CCDC136: variants seen among roughly 807,000 people sequenced by gnomAD.
CCDC136 encodes coiled-coil domain-containing protein 136.
CCDC136 carries 100 observed loss-of-function variants against 141.2 expected under a neutral mutation model. The observed-to-expected ratio is 0.71, with a 90% CI of 0.60 to 0.84. The LOEUF (loss-of-function observed/expected upper bound fraction) is 0.84, where lower values mean the gene tolerates loss of function less well. Among genes scored for constraint, CCDC136 ranks in the 40% least tolerant of loss-of-function variants. The pLI is 0.00. For synonymous variants in CCDC136, 474 were observed against 531.9 expected (o/e 0.89, Z 1.50); for missense variants, 1,206 against 1,379.4 (o/e 0.87, Z 1.99).
At chr7:128,809,699 C>A in intron 11 of CCDC136, 55 bp downstream of exon 11, 1 of 1,278,958 alleles carries the variant, frequency 7.8e-7, no homozygotes, top group Non-Finnish European at 1.1e-6. Flanking sequence ...GAGAAGCTTC[C>A]CTGTGTGACT....
At chr7:128,802,253 C>T (rs535229976) in intron 4 of CCDC136, among the ~76,000 whole-genome samples, 28 of 152,286 alleles carry the variant, frequency 1.8e-4, no homozygotes, top group African/African-American at 6.0e-4. Context: ...GGATTCATGA[C>T]ATCAGAGAGT....
At chr7:128,798,528 A>G (rs1219080542) in intron 3 of CCDC136, among the ~76,000 whole-genome samples, 2 of 152,026 alleles carry the variant, frequency 1.3e-5, no homozygotes, top group Non-Finnish European at 2.9e-5. Context: ...CTGGGATTAA[A>G]GGTGTGAGCC....
At chr7:128,799,919 C>G (rs1461829190) in intron 3 of CCDC136, among the ~76,000 whole-genome samples, 3 of 152,166 alleles carry the variant, frequency 2.0e-5, no homozygotes, top group African/African-American at 7.2e-5. Context: ...TCCATAGATA[C>G]AGAGAACTCT....
At chr7:128,799,215 A>C (rs951906184) in intron 3 of CCDC136, among the ~76,000 whole-genome samples, 3 of 144,870 alleles carry the variant, frequency 2.1e-5, no homozygotes, top group Non-Finnish European at 4.5e-5. Context: ...ATGGTAGCCC[A>C]TGCCTGTAGT....
At chr7:128,799,172 TAAAAAAAAAAAA>T (rs35342890) in intron 3 of CCDC136, among the ~76,000 whole-genome samples, 3 of 51,314 alleles carry the variant, frequency 5.8e-5, no homozygotes, top group African/African-American at 2.0e-4. Context: ...ATCTCTACAT[TAAAAAAAAAAAA>T]AAAAAAAAAA....
At chr7:128,809,988 A>C in intron 11 of CCDC136, 151 bp from the exon 12 acceptor site, 2 of 609,516 alleles carry the variant, frequency 3.3e-6, no homozygotes, top group Non-Finnish European at 5.8e-6. Context: ...GTCTCCATAG[A>C]AGGGCTCCCC....
chr7:128,807,138 A>T (rs567817173), intron 9 of CCDC136, among the ~76,000 whole-genome samples: 2 of 151,930 alleles, frequency 1.3e-5, no homozygotes, highest in African/African-American at 2.4e-5. Context: ...AATTATTTTT[A>T]TATTTATTTA....
chr7:128,803,868 G>A (rs1804427262), intron 4 of CCDC136, among the ~76,000 whole-genome samples: 1 of 149,002 alleles, frequency 6.7e-6, no homozygotes. Flanking sequence ...AGGCTGGAGT[G>A]CAGTGGCACA....
intron 5 of CCDC136, 49 bp downstream of exon 5, chr7:128,804,810 TG>T (rs1208367845): frequency 1.6e-6 from 2 of 1,225,178 alleles, no homozygotes; most frequent in Admixed American, 4.0e-5. Context: ...CACAGGACTC[TG>T]CCTTACCTTG....
intron 4 of CCDC136, among the ~76,000 whole-genome samples, chr7:128,804,435 GAGA>G (rs1163388573): frequency 2.0e-5 from 3 of 152,218 alleles, no homozygotes; most frequent in South Asian, 2.1e-4. Flanking sequence ...CAGGGCAGAT[GAGA>G]AGAAGGACAG....
chr7:128,807,503 C>T lies in CCDC136; in HGVS notation c.1563C>T (p.Ala521=). The T allele has an allele frequency of 6.6e-7, 1 of 1,514,184 alleles. No individual in the cohort carries two copies. The highest frequency in any genetic ancestry group is 8.9e-7 in the Non-Finnish European group (1 of 1,128,126). The allele number at this position is 1,514,184 out of a possible 1,614,324, so 93.8% of individuals were successfully genotyped here. ...LCQLELKELK[A]SHPIPEDKGK... is the part of the protein sequence containing the mutation. ...AGCTGGAGCTGAAAGAGCTCAAGGC[C>T]TCCCACCCCATTCCGGAGGACAAAG... Residue 521 remains alanine, a synonymous_variant, in exon 10 of 18, where the codon GCC becomes GCT. Coordinates refer to ENST00000297788, the MANE Select transcript of CCDC136 (RefSeq NM_022742.5).
chr7:128,796,739 A>ATATATATATATATTTATATTT, intron 3 of CCDC136, among the ~76,000 whole-genome samples: 1 of 113,376 alleles, frequency 8.8e-6, no homozygotes, highest in African/African-American at 4.6e-5. Flanking sequence ...ATATATATAT[A>ATATATATATATATTTATATTT]TTCTTTTTTT....
chr7:128,814,531 G>A, intron 14 of CCDC136, 107 bp from the exon 15 acceptor site: 1 of 775,946 alleles, frequency 1.3e-6, no homozygotes, highest in Non-Finnish European at 2.0e-6. Context: ...TTAACAGGGA[G>A]ATTTCTGAGA....
chr7:128,796,832 C>T (rs1408521786), intron 3 of CCDC136, among the ~76,000 whole-genome samples: 1 of 145,286 alleles, frequency 6.9e-6, no homozygotes, highest in Non-Finnish European at 1.5e-5. Context: ...AGCTCCGCCT[C>T]CCGGGTTCAC....
Position 128,807,566 on chromosome 7 carries a change from T to A in CCDC136, c.1605+21T>A, listed in dbSNP as rs1585094199. 3.0e-6 allele frequency: 4 copies of A among 1,348,878 alleles called. No homozygotes were observed. The East Asian group carries it at 1.2e-4, about 41-fold the overall frequency. The allele number at this position is 1,348,878 out of a possible 1,614,324, so 83.6% of individuals were successfully genotyped here. The stretch of plus-strand genomic sequence containing the variant: ...ATAAGGTAATTGTCGTTCAGAGAGG[T>A]GACAGCTCCTGGGCACTTGCTCCAG... On this transcript the variant is annotated intron_variant, in intron 10 of 17. Coordinates refer to ENST00000297788, the MANE Select transcript of CCDC136 (RefSeq NM_022742.5).
chr7:128,800,209 C>A (rs1048519973), intron 3 of CCDC136, among the ~76,000 whole-genome samples: 1 of 152,172 alleles, frequency 6.6e-6, no homozygotes, highest in Non-Finnish European at 1.5e-5. Context: ...ATGGAAACTT[C>A]TTTGTTTTCA....
chr7:128,805,243 A>G lies in CCDC136; in HGVS notation c.783-116A>G, dbSNP rs1804650995. 3 of 824,572 alleles carry G rather than the reference A, an allele frequency of 3.6e-6. No individual in the cohort carries two copies. The Admixed American group carries it at 6.3e-5, about 17-fold the overall frequency. The allele number at this position is 824,572 out of a possible 1,614,324, so 51.1% of individuals were successfully genotyped here. A position where few individuals can be genotyped will look rare whatever the true frequency, so the allele number is the denominator to read the frequency against. On this transcript the variant is annotated intron_variant, in intron 5 of 17. Coordinates refer to ENST00000297788, the MANE Select transcript of CCDC136 (RefSeq NM_022742.5). This position sits in a 1 kb window ranked among gnomAD's most constrained non-coding sequence, Gnocchi z 4.6. ...ATGTTTATCTGAGCGGTGAGTCACA[A>G]TAGAAGGCCCCTTACTATCTTTGGC... is the stretch of plus-strand genomic sequence containing the variant.
In CCDC136 at chr7:128,815,893, G is replaced by A. The variant is rs376829002; in HGVS notation, c.3325G>A (p.Glu1109Lys). Reference sequence around the variant, plus strand: ...CGCCGACTCTTCCCTTGAAAGTCCCGAAGAAAATAACCCCCTCAGACTTTC... The same window carrying A: ...CGCCGACTCTTCCCTTGAAAGTCCCAAAGAAAATAACCCCCTCAGACTTTC... Reference protein sequence around the residue: ...DDADSSLESPEENNPLRLSES... With the variant: ...DDADSSLESPKENNPLRLSES... The change falls in exon 16 of 18, where the codon GAA (glutamate) becomes AAA (lysine). Residue 1109 changes from glutamate to lysine, a missense_variant. Physicochemically the swap from Glu to Lys is moderately conservative, Grantham distance 56. Transcript: ENST00000297788. 59 of 1,613,624 alleles carry A rather than the reference G, an allele frequency of 3.7e-5. No homozygotes were observed. Among genetic ancestry groups the A allele is most frequent in the Middle Eastern group, 1.6e-4 (1 of 6,084 alleles).
intron 15 of CCDC136, among the ~76,000 whole-genome samples, chr7:128,815,315 A>G (rs1399211880): frequency 6.6e-6 from 1 of 152,248 alleles, no homozygotes; most frequent in Non-Finnish European, 1.5e-5. Context: ...GGATTGGGTA[A>G]AAGAAGAGTC....
Sources: allele counts gnomAD v4.1 joint callset (sites outside exome capture counted in the v4.1 genomes callset), GRCh38; gene constraint gnomAD v4.1.1; non-coding constraint Gnocchi (gnomAD v3.1); transcripts MANE v1.5; gene names NCBI Gene and HGNC (gene_info 2026-07-23, HGNC 2026-07-21).